Variants in MEAF6 observed in about 807,000 individuals in gnomAD.
MEAF6 encodes the protein MYST/Esa1 associated factor 6.
In MEAF6, 15 loss-of-function variants were observed where a neutral mutation model predicts 28.9. That is an observed-to-expected ratio of 0.52 (90% confidence interval 0.35 to 0.80). MEAF6 has a LOEUF of 0.80. Ranked by LOEUF, MEAF6 falls within the 30% of genes least tolerant of loss-of-function variation. The pLI is 0.01. For missense variants in MEAF6, 178 were observed against 237.5 expected, an observed-to-expected ratio of 0.75 and a Z score of 1.65; for synonymous variants, 97 against 88.7, an observed-to-expected ratio of 1.09 and a Z score of -0.53.
In MEAF6 at chr1:37,491,915, C is replaced by CTT. The variant is rs1168160086; in HGVS notation, c.*2182_*2183dup. The stretch of plus-strand genomic sequence containing the variant: ...CTTTTTAAGAGCAGTACTATTCTTT[C>CTT]TTTTTTTTTTTTTTTTTGACAGAGT... On this transcript the variant is annotated 3_prime_UTR_variant, in exon 7 of 7. Transcript: ENST00000296214. Among the ~76,000 whole-genome samples, 54 of 132,736 alleles carry CTT rather than the reference C, an allele frequency of 4.1e-4. No homozygotes were observed. The highest frequency in any genetic ancestry group is 6.8e-4 in the Admixed American group (9 of 13,272). The allele number at this position is 132,736 out of a possible 152,430, so 87.1% of individuals were successfully genotyped here.
chr1:37,510,079 T>G (rs1007071198), intron 2 of MEAF6, among the ~76,000 whole-genome samples: 2 of 140,390 alleles, frequency 1.4e-5, no homozygotes, highest in Non-Finnish European at 3.2e-5. Flanking sequence ...GCCCAGACAT[T>G]TTTTTTTTTT....
At position 37,514,752 on chromosome 1, in the gene MEAF6, G is replaced by A; in HGVS notation, c.-6C>T. Reference sequence around the variant, plus strand: ...GCCTTGTTGTGCATCGCCATGTTGGGCTGAGGCGGGCGGCGGCGGCGCGAG... The same window carrying A: ...GCCTTGTTGTGCATCGCCATGTTGGACTGAGGCGGGCGGCGGCGGCGCGAG... On this transcript the variant is annotated 5_prime_UTR_variant, in exon 1 of 7. Coordinates refer to ENST00000296214, the MANE Select transcript of MEAF6 (RefSeq NM_001270875.3). The A allele has an allele frequency of 2.0e-6, 3 of 1,470,828 alleles. No individual in the cohort carries two copies. Among genetic ancestry groups the A allele is most frequent in the Non-Finnish European group, 1.8e-6 (2 of 1,112,532 alleles). The allele number at this position is 1,470,828 out of a possible 1,614,324, so 91.1% of individuals were successfully genotyped here.
chr1:37,495,732 C>T (rs1215571532), intron 6 of MEAF6, 153 bp downstream of exon 6: 2 of 501,826 alleles, frequency 4.0e-6, no homozygotes, highest in Non-Finnish European at 6.9e-6. Context: ...AAAAAACCAC[C>T]TAAAAGTTGA....
intron 5 of MEAF6, chr1:37,500,842 G>C (rs926963416): frequency 7.8e-5 from 12 of 153,442 alleles, no homozygotes; most frequent in African/African-American, 2.9e-4. Context: ...CCCATCCCTT[G>C]CATTGCCCCC....
At position 37,491,709 on chromosome 1, in the gene MEAF6, A is replaced by AATAC. The variant is rs1306743642; in HGVS notation, c.*2389_*2390insGTAT. On this transcript the variant is annotated 3_prime_UTR_variant, in exon 7 of 7. Coordinates refer to ENST00000296214, the MANE Select transcript of MEAF6 (RefSeq NM_001270875.3). ...GCAAGATCCTGTCAATAAATAAATA[A>AATAC]ATAAATAAATAAATAAATAAAATAT... is the stretch of plus-strand genomic sequence containing the variant. Among the ~76,000 whole-genome samples the AATAC allele has an allele frequency of 2.7e-5, 4 of 150,204 alleles. No individual in the cohort carries two copies. Among genetic ancestry groups the AATAC allele is most frequent in the Non-Finnish European group, 4.4e-5 (3 of 67,636 alleles).
intron 2 of MEAF6, among the ~76,000 whole-genome samples, chr1:37,511,184 T>C (rs1376051627): frequency 1.3e-5 from 2 of 152,198 alleles, no homozygotes; most frequent in Non-Finnish European, 2.9e-5. Flanking sequence ...AAGGTAAGTA[T>C]GGGACATCTC....
Position 37,501,869 on chromosome 1 carries a change from A to G in MEAF6, c.468T>C (p.Ala156=). The change falls in exon 5 of 7, where the codon GCT becomes GCC. Residue 156 remains alanine, a synonymous_variant. Coordinates refer to ENST00000296214, the MANE Select transcript of MEAF6 (RefSeq NM_001270875.3). ...GGTGACTCCCTGAGGAAGTAGAAGA[A>G]GCAGCCTTCTGAGGTTTCACTCCCT... is the stretch of plus-strand genomic sequence containing the variant. ...SVQGVKPQKA[A]SSTSSGSHHS... The G allele has an allele frequency of 6.2e-7, 1 of 1,607,312 alleles. No individual in the cohort carries two copies. Among genetic ancestry groups the G allele is most frequent in the Non-Finnish European group, 8.5e-7 (1 of 1,174,930 alleles).
chr1:37,494,165 TA>T, intron 6 of MEAF6, 58 bp from the exon 7 acceptor site: 2 of 1,460,516 alleles, frequency 1.4e-6, no homozygotes, highest in Non-Finnish European at 1.9e-6. Flanking sequence ...TGTTTGACCC[TA>T]AAGGAAAAAA....
At chr1:37,496,651 C>A in intron 5 of MEAF6, 1 of 1,543,888 alleles carries the variant, frequency 6.5e-7, no homozygotes. Flanking sequence ...CTCAAAAAGG[C>A]ATACTGGTGT....
At chr1:37,508,150 G>C (rs1360267723) in intron 4 of MEAF6, among the ~76,000 whole-genome samples, 1 of 151,824 alleles carries the variant, frequency 6.6e-6, no homozygotes, top group Non-Finnish European at 1.5e-5. Context: ...CCCATCCCTG[G>C]AAATTAGACT....
In MEAF6 at chr1:37,492,911, C is replaced by G. The variant is rs1489126078; in HGVS notation, c.*1188G>C. On this transcript the variant is annotated 3_prime_UTR_variant, in exon 7 of 7. Transcript: ENST00000296214. ...AGAAATTCCCAATAACTAGGCTGTA[C>G]CCCAGTCTCTAGGGATGGGATCCAG... The G allele has an allele frequency of 1.3e-5, 2 of 152,198 alleles. No homozygotes were observed. Among genetic ancestry groups the G allele is most frequent in the African/African-American group, 4.8e-5 (2 of 41,452 alleles). The allele number at this position is 152,198 out of a possible 1,614,324, so 9.4% of individuals were successfully genotyped here.
rs562271449 is a variant in MEAF6 at position 37,490,930 on chromosome 1, G to A, written c.*3169C>T. On this transcript the variant is annotated 3_prime_UTR_variant, in exon 7 of 7. Transcript: ENST00000296214. Reference sequence around the variant, plus strand: ...TAGTCTCAGCTACTCGAGAGGCTGAGGCGGAATAATTGCTTGAACCCTGGA... The same window carrying A: ...TAGTCTCAGCTACTCGAGAGGCTGAAGCGGAATAATTGCTTGAACCCTGGA... Among the ~76,000 whole-genome samples the A allele has an allele frequency of 1.3e-5, 2 of 152,308 alleles. No homozygotes were observed. Among genetic ancestry groups the A allele is most frequent in the African/African-American group, 4.8e-5 (2 of 41,572 alleles).
At position 37,509,326 on chromosome 1, in the gene MEAF6, A is replaced by G; in HGVS notation, c.295-3T>C. 1.2e-6 allele frequency: 2 copies of G among 1,613,974 alleles called. No individual in the cohort carries two copies. Among genetic ancestry groups the G allele is most frequent in the Non-Finnish European group, 1.7e-6 (2 of 1,179,890 alleles). ...ACTCCTGCCAATGCACTTACTGCCT[A>G]AAAGAAAAGCCACCAGTTACTAGAA... On this transcript the variant is annotated splice_region_variant and splice_polypyrimidine_tract_variant and intron_variant, in intron 3 of 6. Coordinates refer to ENST00000296214, the MANE Select transcript of MEAF6 (RefSeq NM_001270875.3).
Position 37,514,725 on chromosome 1 carries a change from C to A in MEAF6, c.22G>T (p.Ala8Ser). ...CGGGTGTCCGGGATCTGCGGCGGCG[C>A]CGCCTTGTTGTGCATCGCCATGTTG... MAMHNKA[A>S]PPQIPDTRRE... The change falls in exon 1 of 7, where the codon GCG (alanine) becomes TCG (serine). Residue 8 changes from alanine (A) to serine (S), a missense_variant. Physicochemically the swap from Ala to Ser is moderately conservative, Grantham distance 99 (BLOSUM62 1). Transcript: ENST00000296214. 6.5e-7 allele frequency: 1 copy of A among 1,533,322 alleles called. No individual in the cohort carries two copies. The highest frequency in any genetic ancestry group is 8.7e-7 in the Non-Finnish European group (1 of 1,145,566). 95.0% of individuals were successfully genotyped at this position (1,533,322 alleles called of 1,614,324 possible).
chr1:37,502,615 CTT>C (rs35429238), intron 4 of MEAF6, among the ~76,000 whole-genome samples: 89 of 109,584 alleles, frequency 8.1e-4, no homozygotes, highest in East Asian at 8.0e-4. Context: ...CCTCGTAAGT[CTT>C]TTTTTTTTTT....
chr1:37,508,674 C>T (rs113792639), intron 4 of MEAF6, among the ~76,000 whole-genome samples: 71 of 152,056 alleles, frequency 4.7e-4, no homozygotes, highest in African/African-American at 1.6e-3. Flanking sequence ...ATTGTTTTAA[C>T]TTTAATTCCC....
intron 5 of MEAF6, chr1:37,496,515 A>T: frequency 1.7e-6 from 2 of 1,194,616 alleles, no homozygotes; most frequent in Non-Finnish European, 2.2e-6. Flanking sequence ...AAGTTTACTT[A>T]ATTTTGCTTA....
Position 37,492,560 on chromosome 1 carries a change from C to CAAAAAAAA in MEAF6, c.*1531_*1538dup, listed in dbSNP as rs35527783. On this transcript the variant is annotated 3_prime_UTR_variant, in exon 7 of 7. Transcript: ENST00000296214. The stretch of plus-strand genomic sequence containing the variant: ...AGTCAAAGATCTAAATAGCCAGAGT[C>CAAAAAAAA]AAAAAAAAAAAAAAAAAAAAACCCA... 4.1e-5 allele frequency: 3 copies of CAAAAAAAA among 73,056 alleles called. No homozygotes were observed. The highest frequency in any genetic ancestry group is 5.2e-4 in the South Asian group (1 of 1,934). The allele number at this position is 73,056 out of a possible 1,614,324, so 4.5% of individuals were successfully genotyped here.
intron 4 of MEAF6, among the ~76,000 whole-genome samples, chr1:37,503,826 C>T (rs1642391975): frequency 6.6e-6 from 1 of 151,920 alleles, no homozygotes; most frequent in East Asian, 1.9e-4. Context: ...CCAGGTGTGG[C>T]GGCAGGCGCC....
Sources: allele counts gnomAD v4.1 joint callset (sites outside exome capture counted in the v4.1 genomes callset), GRCh38; gene constraint gnomAD v4.1.1; transcripts MANE v1.5; gene names NCBI Gene and HGNC (gene_info 2026-07-23, HGNC 2026-07-21).